The following MYO5B variants were observed in gnomAD, a reference collection of about 807,000 sequenced individuals.
MYO5B encodes unconventional myosin-Vb.
In MYO5B, 143 loss-of-function variants were observed where a neutral mutation model predicts 229.3. The observed-to-expected ratio is 0.62, with a 90% CI of 0.54 to 0.72. The LOEUF (loss-of-function observed/expected upper bound fraction) is 0.72. Among genes scored for constraint, MYO5B ranks in the 30% least tolerant of loss-of-function variants. MYO5B has a pLI of 0.00. For missense variants in MYO5B, 2,321 were observed against 2,331.0 expected (o/e 1.00, Z 0.09); for synonymous variants, 918 against 885.2 (o/e 1.04, Z -0.66).
At chr18:50,077,311 A>C (rs1035202432) in intron 1 of MYO5B, among the ~76,000 whole-genome samples, 5 of 151,906 alleles carry the variant, frequency 3.3e-5, no homozygotes, top group Non-Finnish European at 4.4e-5. Context: ...ATAGCTTTGC[A>C]CATAAACAGG....
intron 4 of MYO5B, among the ~76,000 whole-genome samples, chr18:50,032,558 G>C (rs1460023334): frequency 6.6e-6 from 1 of 152,144 alleles, no homozygotes; most frequent in African/African-American, 2.4e-5. Context: ...CCCTTTTATG[G>C]CCAATAATAT....
At chr18:50,036,397 A>G (rs1460304742) in intron 4 of MYO5B, among the ~76,000 whole-genome samples, 1 of 152,208 alleles carries the variant, frequency 6.6e-6, no homozygotes, top group African/African-American at 2.4e-5. Context: ...TGAAACTTCA[A>G]TTTCTGCCCT....
intron 1 of MYO5B, among the ~76,000 whole-genome samples, chr18:50,168,129 A>C (rs1306751833): frequency 6.6e-6 from 1 of 152,224 alleles, no homozygotes; most frequent in Non-Finnish European, 1.5e-5. Flanking sequence ...TAATTAAAAT[A>C]TAACCCCTAA....
At chr18:50,190,048 T>C (rs117334098) in intron 1 of MYO5B, among the ~76,000 whole-genome samples, 4,860 of 152,250 alleles carry the variant, frequency 0.032, 123 homozygotes, top group Non-Finnish European at 0.049. Context: ...AAAGGTTATT[T>C]GAAGGCACTG....
chr18:49,830,144 TC>T (rs973819236), intron 39 of MYO5B, among the ~76,000 whole-genome samples: 38 of 46,054 alleles, frequency 8.3e-4, no homozygotes, highest in African/African-American at 3.2e-3. Context: ...ACTGAAAGAA[TC>T]CACACACACA....
intron 1 of MYO5B, among the ~76,000 whole-genome samples, chr18:50,109,939 G>T (rs556218379): frequency 1.3e-5 from 2 of 152,234 alleles, no homozygotes; most frequent in African/African-American, 4.8e-5. Context: ...CCATCCCAGC[G>T]AAAGTCAAAC....
At chr18:49,865,033 T>TTA (rs1187986111) in intron 27 of MYO5B, among the ~76,000 whole-genome samples, 1 of 152,200 alleles carries the variant, frequency 6.6e-6, no homozygotes, top group Non-Finnish European at 1.5e-5. Context: ...ACATTTAACT[T>TTA]TGTGTTTGAG....
chr18:50,054,821 T>C (rs1018774335), intron 2 of MYO5B, among the ~76,000 whole-genome samples: 3 of 152,216 alleles, frequency 2.0e-5, no homozygotes, highest in South Asian at 4.1e-4. Flanking sequence ...TCCCATTTTA[T>C]AGATGAAGTA....
At chr18:50,047,236 T>C (rs2030255221) in intron 2 of MYO5B, among the ~76,000 whole-genome samples, 1 of 148,716 alleles carries the variant, frequency 6.7e-6, no homozygotes, top group Non-Finnish European at 1.5e-5. Flanking sequence ...CTCTAACAAA[T>C]TTACAAGAAA....
intron 5 of MYO5B, among the ~76,000 whole-genome samples, chr18:49,994,389 C>T (rs1457686222): frequency 6.6e-6 from 1 of 152,186 alleles, no homozygotes; most frequent in East Asian, 1.9e-4. Context: ...TGTCCTCATA[C>T]GTAACTTGCC....
At chr18:50,071,588 T>A (rs1385770415) in intron 1 of MYO5B, among the ~76,000 whole-genome samples, 2 of 152,170 alleles carry the variant, frequency 1.3e-5, no homozygotes, top group African/African-American at 4.8e-5. Flanking sequence ...CTCGAGAACA[T>A]CTGGGCACAA....
intron 17 of MYO5B, among the ~76,000 whole-genome samples, chr18:49,926,161 G>A (rs1412344934): frequency 6.6e-6 from 1 of 152,184 alleles, no homozygotes; most frequent in Admixed American, 6.5e-5. Flanking sequence ...GAACAATGCT[G>A]GGACCCGCTG....
At chr18:50,189,344 C>T (rs937384193) in intron 1 of MYO5B, among the ~76,000 whole-genome samples, 7 of 152,074 alleles carry the variant, frequency 4.6e-5, no homozygotes, top group African/African-American at 1.7e-4. Context: ...AAGGAAAGTC[C>T]CAAGCATGGT....
chr18:49,936,055 G>C (rs1431163235), intron 16 of MYO5B, among the ~76,000 whole-genome samples, 197 bp downstream of exon 16: 2 of 152,192 alleles, frequency 1.3e-5, no homozygotes, highest in East Asian at 3.8e-4. Flanking sequence ...TTTCTCTTAA[G>C]ACCTCCTGGA....
intron 34 of MYO5B, among the ~76,000 whole-genome samples, chr18:49,841,897 AT>A (rs2144038924): frequency 6.6e-6 from 1 of 152,302 alleles, no homozygotes; most frequent in African/African-American, 2.4e-5. Context: ...TGTCCCATTT[AT>A]CTAGATGTCA....
At chr18:50,095,385 A>C (rs2031531216) in intron 1 of MYO5B, among the ~76,000 whole-genome samples, 2 of 152,216 alleles carry the variant, frequency 1.3e-5, no homozygotes, top group African/African-American at 4.8e-5. Context: ...TAACCTGTGC[A>C]TTCAAGGGAC....
At chr18:50,188,967 G>C (rs985730688) in intron 1 of MYO5B, among the ~76,000 whole-genome samples, 5 of 152,138 alleles carry the variant, frequency 3.3e-5, no homozygotes, top group Non-Finnish European at 7.3e-5. Flanking sequence ...GATCCACTGG[G>C]CTTATAGGCC....
At chr18:49,886,124 T>A (rs1598857185) in intron 22 of MYO5B, among the ~76,000 whole-genome samples, 1 of 152,156 alleles carries the variant, frequency 6.6e-6, no homozygotes, top group African/African-American at 2.4e-5. Flanking sequence ...ATTTTTAGTA[T>A]AGACGGGGTT....
At chr18:50,155,108 T>C (rs560668834) in intron 1 of MYO5B, among the ~76,000 whole-genome samples, 1 of 152,240 alleles carries the variant, frequency 6.6e-6, no homozygotes, top group African/African-American at 2.4e-5. Context: ...CAAATTTATA[T>C]GGGTTCACAT....
Sources: gnomAD v4.1 joint callset for allele counts (sites outside exome capture counted in the v4.1 genomes callset) on GRCh38, gnomAD v4.1.1 for gene constraint, MANE v1.5 for transcripts, NCBI Gene and HGNC (gene_info 2026-07-23, HGNC 2026-07-21) for gene names.